RHBDD1: variants seen among roughly 807,000 people sequenced by gnomAD.
RHBDD1 encodes rhomboid-related protein 4.
RHBDD1 carries 38 observed loss-of-function variants against 36.3 expected under a neutral mutation model. That is an observed-to-expected ratio of 1.05 (90% confidence interval 0.81 to 1.37). RHBDD1 has a LOEUF of 1.37. Ranked by LOEUF, RHBDD1 falls within the 40% of genes most tolerant of loss-of-function variation. The pLI is 0.00. For missense variants in RHBDD1, 393 were observed against 377.6 expected (o/e 1.04, Z -0.34); for synonymous variants, 151 against 136.5 (o/e 1.11, Z -0.74).
chr2:226,882,430 CAAA>C (rs58149634), intron 5 of RHBDD1, among the ~76,000 whole-genome samples: 11,461 of 55,624 alleles, frequency 0.21, 359 homozygotes, highest in African/African-American at 0.37. Flanking sequence ...GACTTTGCCT[CAAA>C]AAAAAAAAAA....
the RHBDD1 span, chr2:226,804,433 A>C: frequency 1.3e-5 from 2 of 152,224 alleles, no homozygotes; most frequent in African/African-American, 2.4e-5. Context: ...CAGTCAACAA[A>C]GATCTTCACC....
the RHBDD1 span, among the ~76,000 whole-genome samples, chr2:226,803,268 G>C: frequency 6.6e-6 from 1 of 151,980 alleles, no homozygotes; most frequent in African/African-American, 2.4e-5. Flanking sequence ...CTTTGATGGG[G>C]TAATAAGAGA....
At chr2:226,859,762 T>C (rs1026770340) in intron 3 of RHBDD1, among the ~76,000 whole-genome samples, 5 of 152,102 alleles carry the variant, frequency 3.3e-5, no homozygotes, top group African/African-American at 4.8e-5. Context: ...ACTGGTGATA[T>C]AAGCATACAG....
intron 3 of RHBDD1, among the ~76,000 whole-genome samples, chr2:226,863,847 T>G (rs764874332): frequency 1.7e-4 from 26 of 152,184 alleles, no homozygotes; most frequent in Non-Finnish European, 3.5e-4. Flanking sequence ...GCCATGGAAC[T>G]TCTCATTGTC....
intron 8 of RHBDD1, among the ~76,000 whole-genome samples, chr2:226,973,419 G>A (rs1395549104): frequency 6.6e-6 from 1 of 152,232 alleles, no homozygotes; most frequent in East Asian, 1.9e-4. Flanking sequence ...TGGGAAGTGA[G>A]TGTTTGCCTG....
At chr2:226,844,283 G>GC (rs1005373210) in intron 3 of RHBDD1, among the ~76,000 whole-genome samples, 1 of 93,390 alleles carries the variant, frequency 1.1e-5, no homozygotes, top group African/African-American at 4.3e-5. Context: ...GCTGCCCCCC[G>GC]CCCCCCGGCC....
At chr2:226,921,464 G>A (rs553209728) in intron 8 of RHBDD1, among the ~76,000 whole-genome samples, 12 of 151,934 alleles carry the variant, frequency 7.9e-5, no homozygotes, top group Admixed American at 6.6e-4. Flanking sequence ...AGATACAGGC[G>A]CCTATTGCTA....
chr2:226,882,152 G>T (rs569437907), intron 5 of RHBDD1, among the ~76,000 whole-genome samples: 1 of 151,970 alleles, frequency 6.6e-6, no homozygotes, highest in Admixed American at 6.6e-5. Flanking sequence ...GATATGGGCC[G>T]GGCACAGTGG....
intron 3 of RHBDD1, among the ~76,000 whole-genome samples, chr2:226,861,572 G>C (rs1193824249): frequency 6.6e-6 from 1 of 152,216 alleles, no homozygotes; most frequent in African/African-American, 2.4e-5. Context: ...ATAAAGCCCA[G>C]CATCATAAGA....
intron 7 of RHBDD1, among the ~76,000 whole-genome samples, chr2:226,909,332 AT>A (rs1442514624): frequency 1.3e-5 from 2 of 152,186 alleles, no homozygotes; most frequent in African/African-American, 4.8e-5. Flanking sequence ...ATGAGGAAGA[AT>A]GTATTTTTCT....
chr2:226,903,797 G>C (rs1947797700), intron 5 of RHBDD1, among the ~76,000 whole-genome samples: 2 of 152,070 alleles, frequency 1.3e-5, no homozygotes, highest in Non-Finnish European at 2.9e-5. Flanking sequence ...CCCCTCTCCT[G>C]TATCCATATA....
intron 8 of RHBDD1, among the ~76,000 whole-genome samples, chr2:226,926,527 T>A (rs1559280325): frequency 6.6e-6 from 1 of 152,352 alleles, no homozygotes; most frequent in East Asian, 1.9e-4. Context: ...TAGTTAGTTC[T>A]GTGTATTTCT....
chr2:226,968,563 T>G (rs970801734), intron 8 of RHBDD1, among the ~76,000 whole-genome samples: 2 of 152,200 alleles, frequency 1.3e-5, no homozygotes, highest in Non-Finnish European at 2.9e-5. Context: ...GCACCCTGAT[T>G]AGTGTTTAAT....
At chr2:226,969,271 T>G (rs191039791) in intron 8 of RHBDD1, 137 of 152,136 alleles carry the variant, frequency 9.0e-4, no homozygotes, top group African/African-American at 3.1e-3. Context: ...AAAAAAAAAG[T>G]GACATTCTCT....
At chr2:226,892,277 T>C (rs1447676699) in intron 5 of RHBDD1, among the ~76,000 whole-genome samples, 1 of 152,206 alleles carries the variant, frequency 6.6e-6, no homozygotes, top group African/African-American at 2.4e-5. Flanking sequence ...AGTCATGTAG[T>C]AGATGGGGCA....
intron 5 of RHBDD1, among the ~76,000 whole-genome samples, chr2:226,881,267 A>G (rs1382965203): frequency 6.6e-6 from 1 of 152,186 alleles, no homozygotes; most frequent in Non-Finnish European, 1.5e-5. Context: ...ACAGTTCAAG[A>G]TGAGATTTGG....
At position 226,974,545 on chromosome 2, in the gene RHBDD1, G is replaced by A. The variant is rs574582489; in HGVS notation, c.857-20886G>A. Among the ~76,000 whole-genome samples, 4 of 152,292 alleles carry A rather than the reference G, an allele frequency of 2.6e-5. No individual in the cohort carries two copies. In the South Asian group the frequency reaches 8.3e-4, roughly 32 times the overall value. On this transcript the variant is annotated intron_variant, in intron 8 of 8. Transcript: ENST00000392062. ...AGCCACCGTGCCCGGCCTGGGTGTT[G>A]CTCTTTTTAGTCCTGACTGTCAAGG...
chr2:226,919,613 T>G (rs4675122), intron 8 of RHBDD1, among the ~76,000 whole-genome samples: 151,970 of 152,230 alleles, frequency 1, 75,857 homozygotes, highest in Middle Eastern at 1. Context: ...TGGCACCTTT[T>G]TTGAAAATGA....
chr2:226,871,763 C>CT (rs1559216994), intron 5 of RHBDD1, among the ~76,000 whole-genome samples: 1 of 152,224 alleles, frequency 6.6e-6, no homozygotes, highest in Admixed American at 6.5e-5. Flanking sequence ...TAAACTGGCT[C>CT]TTTTTTGGCG....
Sources: allele counts gnomAD v4.1 joint callset (sites outside exome capture counted in the v4.1 genomes callset), GRCh38; gene constraint gnomAD v4.1.1; transcripts MANE v1.5; gene names NCBI Gene and HGNC (gene_info 2026-07-23, HGNC 2026-07-21).